Variants in COMMD5 observed in about 807,000 individuals in gnomAD.
COMMD5 encodes the protein COMM domain-containing protein 5.
COMMD5 carries 10 observed loss-of-function variants against 6.9 expected under a neutral mutation model. The ratio of observed to expected loss-of-function variants is 1.44; its 90% CI spans 0.89 to 2.45. The LOEUF is 2.45. COMMD5 is among the 30% of genes most tolerant of loss of function. The pLI, the probability that COMMD5 is intolerant of heterozygous loss-of-function variation, is 0.00. For missense variants in COMMD5, 234 were observed against 287.8 expected, an observed-to-expected ratio of 0.81 and a Z score of 1.35; for synonymous variants, 127 against 125.3, an observed-to-expected ratio of 1.01 and a Z score of -0.09.
At chr8:144,842,060 G>GC in intron 1 of COMMD5, 1 of 1,614,144 alleles carries the variant, frequency 6.2e-7, no homozygotes, top group Non-Finnish European at 8.5e-7. Flanking sequence ...TTTGGTCAGA[G>GC]CTCAAGCCTC....
At position 144,842,054 on chromosome 8, in the gene COMMD5, G is replaced by A; in HGVS notation, c.*117-311C>T. 6.2e-7 allele frequency: 1 copy of A among 1,614,122 alleles called. No individual in the cohort carries two copies. Among genetic ancestry groups the A allele is most frequent in the East Asian group, 2.2e-5 (1 of 44,882 alleles). On this transcript the variant is annotated intron_variant and NMD_transcript_variant, in intron 1 of 1. Transcript: ENST00000530332. ...TGTGAGGAATGTGGAAAAGCTTTTG[G>A]TCAGAGCTCAAGCCTCATCCACCAT...
exon 2 of COMMD5, chr8:144,841,291 T>G (rs1361327282): frequency 2.0e-6 from 3 of 1,502,616 alleles, no homozygotes. Flanking sequence ...GCCCCCGCAT[T>G]TGTAGTCTTA....
chr8:144,842,079 T>A, intron 1 of COMMD5: 2 of 1,614,106 alleles, frequency 1.2e-6, no homozygotes, highest in Non-Finnish European at 1.7e-6. Flanking sequence ...TCATCCACCA[T>A]CAGAGAATCC....
exon 2 of COMMD5, chr8:144,841,178 G>A: frequency 3.0e-6 from 2 of 674,480 alleles, no homozygotes; most frequent in Non-Finnish European, 5.1e-6. Flanking sequence ...TAAAAAGTAT[G>A]AAACCACTTT....
chr8:144,841,502 T>A, exon 2 of COMMD5: 3 of 1,614,194 alleles, frequency 1.9e-6, no homozygotes, highest in Non-Finnish European at 1.7e-6. Context: ...GAGGTCTGGT[T>A]AGACAGTCAT....
intron 1 of COMMD5, chr8:144,842,314 C>T: frequency 6.2e-7 from 1 of 1,614,014 alleles, no homozygotes; most frequent in South Asian, 1.1e-5. Flanking sequence ...CCTTGTTGCA[C>T]ATCAGAGAAT....
rs559759717 is a variant in COMMD5, at chr8:144,850,885, C to A, written c.454G>T (p.Val152Phe). ...AQQQGAWLPH[V>F]ADFRWRVDVA... ...TCCACCCGCCACCGAAAGTCAGCAA[C>A]ATGCGGCAGCCAGGCCCCCTGCTGC... The change falls in exon 2 of 2, where the codon GTT becomes TTT. Residue 152 changes from valine to phenylalanine, a missense_variant. Val to Phe is a conservative substitution (Grantham distance 50). Coordinates refer to ENST00000305103, the MANE Select transcript of COMMD5 (RefSeq NM_014066.4). The surrounding 1 kb of genome is among the most constrained non-coding windows in gnomAD (Gnocchi z 4.0). The A allele has an allele frequency of 6.9e-5, 111 of 1,611,900 alleles. No individual in the cohort carries two copies. Among genetic ancestry groups the A allele is most frequent in the Non-Finnish European group, 2.2e-5 (26 of 1,179,344 alleles).
In COMMD5 at chr8:144,850,632, C is replaced by A. The variant is rs1217831055; in HGVS notation, c.*32G>T. The stretch of plus-strand genomic sequence containing the variant: ...GCACCATCTCAGGTGCCTGTCCAAG[C>A]CGGATCTGAATGGGACTGGTCAAGT... On this transcript the variant is annotated 3_prime_UTR_variant, in exon 2 of 2. Coordinates refer to ENST00000305103, the MANE Select transcript of COMMD5 (RefSeq NM_014066.4). The surrounding 1 kb of genome is among the most constrained non-coding windows in gnomAD (Gnocchi z 4.0). 1 of 1,590,724 alleles carries A rather than the reference C, an allele frequency of 6.3e-7. No individual in the cohort carries two copies. Among genetic ancestry groups the A allele is most frequent in the African/African-American group, 1.3e-5 (1 of 74,610 alleles).
At chr8:144,840,147 C>G (rs1829687757), downstream of COMMD5, among the ~76,000 whole-genome samples, 1 of 152,194 alleles carries the variant, frequency 6.6e-6, no homozygotes, top group East Asian at 1.9e-4. Flanking sequence ...GGAGGAGTGT[C>G]AAGCAAGCCC....
chr8:144,846,370 G>A (rs1474803088), downstream of COMMD5: 2 of 594,360 alleles, frequency 3.4e-6, no homozygotes, highest in Admixed American at 6.0e-5. Flanking sequence ...GAGAAAATAA[G>A]AGACTTGTGA....
downstream of COMMD5, among the ~76,000 whole-genome samples, chr8:144,847,944 C>A (rs1384255277): frequency 6.6e-6 from 1 of 152,208 alleles, no homozygotes; most frequent in Non-Finnish European, 1.5e-5. Flanking sequence ...CAAGGATGGA[C>A]AGGTGCTCTG....
At chr8:144,838,076 G>A (rs946770063), downstream of COMMD5, 17 of 702,888 alleles carry the variant, frequency 2.4e-5, no homozygotes, top group Admixed American at 3.2e-4. Flanking sequence ...GAAGGCTTTA[G>A]GGAAGGATCC....
downstream of COMMD5, chr8:144,847,004 G>T (rs190436113): frequency 6.6e-6 from 1 of 152,230 alleles, no homozygotes; most frequent in African/African-American, 2.4e-5. Context: ...AGCTGAGGAG[G>T]AGTCCTCTTC....
intron 1 of COMMD5, chr8:144,842,121 G>C (rs756726658): frequency 6.2e-7 from 1 of 1,614,064 alleles, no homozygotes; most frequent in Non-Finnish European, 8.5e-7. Context: ...GTTGTCGTGA[G>C]TGTGGGAAAG....
At chr8:144,844,741 A>AATGGG (rs1830413888) in intron 1 of COMMD5, among the ~76,000 whole-genome samples, 1 of 147,400 alleles carries the variant, frequency 6.8e-6, no homozygotes, top group Non-Finnish European at 1.5e-5. Flanking sequence ...AAAAAACGAA[A>AATGGG]ATGGGATGGA....
chr8:144,852,243 G>A (rs1455467970), intron 1 of COMMD5: 2 of 152,386 alleles, frequency 1.3e-5, no homozygotes, highest in South Asian at 2.1e-4. Flanking sequence ...AGCTGCCAAA[G>A]TCAAGGACTG....
At chr8:144,849,321 C>A (rs1054097394), downstream of COMMD5, among the ~76,000 whole-genome samples, 3 of 152,134 alleles carry the variant, frequency 2.0e-5, no homozygotes, top group Non-Finnish European at 2.9e-5. Flanking sequence ...GAGTGATCGA[C>A]CAGATGGCAG....
intron 1 of COMMD5, among the ~76,000 whole-genome samples, chr8:144,844,968 G>T (rs796962254): frequency 2.0e-5 from 3 of 152,180 alleles, no homozygotes; most frequent in African/African-American, 7.2e-5. Flanking sequence ...AAAAGAACTT[G>T]AGCTGCAGTG....
At chr8:144,844,562 T>C (rs1830385713) in intron 1 of COMMD5, among the ~76,000 whole-genome samples, 1 of 150,084 alleles carries the variant, frequency 6.7e-6, no homozygotes, top group Non-Finnish European at 1.5e-5. Context: ...TACAAAAAAT[T>C]AGCCGGGCGT....
Sources: gnomAD v4.1 joint callset for allele counts (sites outside exome capture counted in the v4.1 genomes callset) on GRCh38, gnomAD v4.1.1 for gene constraint, Gnocchi (gnomAD v3.1) non-coding constraint, MANE v1.5 for transcripts, NCBI Gene and HGNC (gene_info 2026-07-23, HGNC 2026-07-21) for gene names.